VPS54: variants seen among roughly 807,000 people sequenced by gnomAD.
VPS54 encodes vacuolar protein sorting-associated protein 54.
VPS54 carries 45 observed loss-of-function variants against 121.5 expected under a neutral mutation model. The ratio of observed to expected loss-of-function variants is 0.37; its 90% CI spans 0.29 to 0.47. The LOEUF is 0.47. VPS54 is among the 20% of genes least tolerant of loss of function. The pLI, the probability that VPS54 is intolerant of heterozygous loss-of-function variation, is 0.99. For synonymous variants in VPS54, 371 were observed against 385.8 expected, an observed-to-expected ratio of 0.96 and a Z score of 0.45; for missense variants, 1,090 against 1,131.4, an observed-to-expected ratio of 0.96 and a Z score of 0.52.
At chr2:63,898,813 G>A (rs1442613182) in intron 21 of VPS54, among the ~76,000 whole-genome samples, 1 of 152,028 alleles carries the variant, frequency 6.6e-6, no homozygotes, top group Non-Finnish European at 1.5e-5. Flanking sequence ...GTAAAAAAGG[G>A]AATACTGAAA....
chr2:63,965,724 C>T, intron 6 of VPS54, 111 bp downstream of exon 6: 2 of 1,468,734 alleles, frequency 1.4e-6, no homozygotes, highest in Non-Finnish European at 1.8e-6. Flanking sequence ...TCAGTAAGAA[C>T]AAAAATGAAT....
At chr2:63,957,908 G>A (rs921253801) in intron 7 of VPS54, among the ~76,000 whole-genome samples, 38 of 152,234 alleles carry the variant, frequency 2.5e-4, no homozygotes, top group Admixed American at 1.9e-3. Context: ...TGACTTAATT[G>A]GCTTGGGTGA....
rs531044846 is a variant in VPS54, at chr2:63,972,570, C to A, written c.379-326G>T. Among the ~76,000 whole-genome samples the A allele has an allele frequency of 2.6e-5, 4 of 152,112 alleles. No homozygotes were observed. The East Asian group carries it at 5.8e-4, about 22-fold the overall frequency. On this transcript the variant is annotated intron_variant, in intron 3 of 22. Transcript: ENST00000272322. The stretch of plus-strand genomic sequence containing the variant: ...ATAATTTGAATCAAGAAAGAAAATT[C>A]AAAAACCTATATATCTAAGATAGAA...
At chr2:64,003,400 G>A (rs560732850) in intron 1 of VPS54, among the ~76,000 whole-genome samples, 1 of 152,176 alleles carries the variant, frequency 6.6e-6, no homozygotes, top group African/African-American at 2.4e-5. Flanking sequence ...CTCTCTTGAA[G>A]CTTTCTTTGG....
intron 10 of VPS54, 31 bp from the exon 11 acceptor site, chr2:63,942,592 G>A: frequency 6.6e-7 from 1 of 1,515,866 alleles, no homozygotes; most frequent in South Asian, 1.2e-5. Context: ...CAAAAATAAT[G>A]ATTGTCTCTG....
chr2:64,010,407 T>G (rs1294582354), intron 1 of VPS54, among the ~76,000 whole-genome samples: 3 of 152,230 alleles, frequency 2.0e-5, no homozygotes, highest in Non-Finnish European at 4.4e-5. Flanking sequence ...CACTGTAATG[T>G]CCTACCAAAG....
chr2:63,941,318 G>A (rs1674719819), intron 11 of VPS54, among the ~76,000 whole-genome samples: 1 of 151,138 alleles, frequency 6.6e-6, no homozygotes, highest in Admixed American at 6.6e-5. Context: ...TTGACCTGCT[G>A]GGGTTAGGTG....
chr2:63,963,421 C>T (rs1359748882), intron 6 of VPS54, among the ~76,000 whole-genome samples: 1 of 151,890 alleles, frequency 6.6e-6, no homozygotes, highest in East Asian at 1.9e-4. Flanking sequence ...CATTATTCAC[C>T]CATTTTTTTA....
intron 15 of VPS54, among the ~76,000 whole-genome samples, chr2:63,919,308 C>T (rs912847826): frequency 1.3e-4 from 20 of 151,862 alleles, no homozygotes; most frequent in Non-Finnish European, 5.9e-5. Flanking sequence ...TTTGGATTTT[C>T]GCTATCATGT....
At chr2:63,934,815 C>T (rs1296572941) in intron 11 of VPS54, among the ~76,000 whole-genome samples, 1 of 152,140 alleles carries the variant, frequency 6.6e-6, no homozygotes, top group African/African-American at 2.4e-5. Context: ...ATAGGAGGTG[C>T]TCAGTAAATA....
Position 63,950,459 on chromosome 2 carries a change from C to T in VPS54, c.1011-1296G>A, listed in dbSNP as rs556421600. Among the ~76,000 whole-genome samples the T allele has an allele frequency of 4.6e-5, 7 of 152,106 alleles. No homozygotes were observed. The South Asian group carries it at 1.2e-3, about 27-fold the overall frequency. ...CTGAATTCATGGGGTTCTGGGTGGA[C>T]AGGGGCATTGTTCAACACCAAAAGT... is the stretch of plus-strand genomic sequence containing the variant. On this transcript the variant is annotated intron_variant, in intron 7 of 22. Coordinates refer to ENST00000272322, the MANE Select transcript of VPS54 (RefSeq NM_016516.3).
intron 12 of VPS54, among the ~76,000 whole-genome samples, chr2:63,923,521 T>C (rs1241939538): frequency 6.6e-6 from 1 of 152,122 alleles, no homozygotes; most frequent in African/African-American, 2.4e-5. Context: ...GCAACCCAAG[T>C]GTCCACTAAT....
In VPS54 at chr2:63,981,777, C is replaced by G. The variant is rs542258141; in HGVS notation, c.247G>C (p.Ala83Pro). Residue 83 changes from alanine (A) to proline (P), a missense_variant, in exon 3 of 23, where the codon GCA becomes CCA. Physicochemically the swap from Ala to Pro is conservative, Grantham distance 27. Around this residue, in one of 2 missense-constraint regions of VPS54, gnomAD observed 801 missense variants for 757.0 expected, o/e 1.06. Transcript: ENST00000272322. ...GTGAAGAAGTCAGATTCTCTTTTTG[C>G]TAATCTAGGATCGTTTAATGCTGCT... ...LPAALNDPRL[A>P]KRESDFFTKT... The G allele has an allele frequency of 5.6e-6, 9 of 1,613,706 alleles. No homozygotes were observed. The East Asian group carries it at 1.3e-4, about 24-fold the overall frequency.
At position 63,942,558 on chromosome 2, in the gene VPS54, A is replaced by C. The variant is rs146840354; in HGVS notation, c.1305T>G (p.Leu435=). ...EEIDTDVVVK[L]ADQMRMLNFP... ...AATTCAACATTCTCATCTGATCTGCAAGCCTAGAAAAAAATAATTCAAACA... is the reference window on the plus strand; with the variant it reads ...AATTCAACATTCTCATCTGATCTGCCAGCCTAGAAAAAAATAATTCAAACA... Residue 435 remains leucine, a synonymous_variant, in exon 11 of 23, where the codon CTT becomes CTG. Coordinates refer to ENST00000272322, the MANE Select transcript of VPS54 (RefSeq NM_016516.3). 1 of 1,578,220 alleles carries C rather than the reference A, an allele frequency of 6.3e-7. No individual in the cohort carries two copies. The highest frequency in any genetic ancestry group is 8.6e-7 in the Non-Finnish European group (1 of 1,160,252).
intron 1 of VPS54, among the ~76,000 whole-genome samples, chr2:64,010,275 T>C (rs997287857): frequency 2.0e-5 from 3 of 152,246 alleles, no homozygotes; most frequent in Non-Finnish European, 4.4e-5. Context: ...GATACAATTT[T>C]GGACCTAATT....
At chr2:63,922,376 GTGTATAT>G (rs1673687248) in intron 12 of VPS54, among the ~76,000 whole-genome samples, 1 of 152,142 alleles carries the variant, frequency 6.6e-6, no homozygotes. Flanking sequence ...AGAGGCTCTG[GTGTATAT>G]TACTTTGAGG....
At chr2:63,976,363 A>C (rs1041172981) in intron 3 of VPS54, among the ~76,000 whole-genome samples, 1 of 150,522 alleles carries the variant, frequency 6.6e-6, no homozygotes, top group South Asian at 2.1e-4. Flanking sequence ...AAAAAAAAAA[A>C]ACAAAAAACA....
At chr2:64,005,089 C>CTTTTTTTTTTTTTTTTTTTTTTT (rs764515091) in intron 1 of VPS54, among the ~76,000 whole-genome samples, 1 of 44,130 alleles carries the variant, frequency 2.3e-5, no homozygotes, top group African/African-American at 9.5e-5. Flanking sequence ...ACTATTGCTT[C>CTTTTTTTTTTTTTTTTTTTTTTT]TTTTTTTTTT....
chr2:63,965,704 C>A, intron 6 of VPS54, 131 bp downstream of exon 6: 1 of 1,300,890 alleles, frequency 7.7e-7, no homozygotes, highest in Admixed American at 2.4e-5. Context: ...GATTGGGAGG[C>A]TTATAGTTAT....
Sources: gnomAD v4.1 joint callset for allele counts (sites outside exome capture counted in the v4.1 genomes callset) on GRCh38, gnomAD v4.1.1 for gene constraint, gnomAD v4.1.1 regional missense constraint, MANE v1.5 for transcripts, NCBI Gene and HGNC (gene_info 2026-07-23, HGNC 2026-07-21) for gene names.